The following MAGI2 variants were observed in gnomAD, a reference collection of about 807,000 sequenced individuals.
MAGI2 encodes membrane-associated guanylate kinase, WW and PDZ domain-containing protein 2.
In MAGI2, 35 loss-of-function variants were observed where a neutral mutation model predicts 133.3. The observed-to-expected ratio is 0.26, with a 90% CI of 0.20 to 0.35. The LOEUF (loss-of-function observed/expected upper bound fraction) is 0.35, where lower values mean the gene tolerates loss of function less well. Ranked by LOEUF, MAGI2 falls within the 10% of genes least tolerant of loss-of-function variation. MAGI2 has a pLI of 1.00. For missense variants in MAGI2, 1,636 were observed against 1,863.4 expected (o/e 0.88, Z 2.25); for synonymous variants, 729 against 710.6 (o/e 1.03, Z -0.41).
intron 2 of MAGI2, among the ~76,000 whole-genome samples, chr7:78,958,434 C>T (rs1471927739): frequency 6.6e-6 from 1 of 152,076 alleles, no homozygotes; most frequent in Non-Finnish European, 1.5e-5. Flanking sequence ...AGAACAGGGA[C>T]CCTCAACATC....
intron 6 of MAGI2, among the ~76,000 whole-genome samples, chr7:78,428,934 T>C (rs1297604538): frequency 6.6e-6 from 1 of 152,184 alleles, no homozygotes; most frequent in Non-Finnish European, 1.5e-5. Context: ...AGCATGCTCC[T>C]GTATACACAT....
chr7:79,155,499 A>C (rs532723930), intron 1 of MAGI2, among the ~76,000 whole-genome samples: 1 of 152,256 alleles, frequency 6.6e-6, no homozygotes, highest in African/African-American at 2.4e-5. Context: ...AAAGATGGGA[A>C]CACCATGGTT....
intron 3 of MAGI2, among the ~76,000 whole-genome samples, chr7:78,530,237 AATG>A (rs1797348637): frequency 6.6e-6 from 1 of 151,066 alleles, no homozygotes; most frequent in Non-Finnish European, 1.5e-5. Flanking sequence ...ACAATGTGTC[AATG>A]ATATTTCTCT....
intron 1 of MAGI2, among the ~76,000 whole-genome samples, chr7:79,185,928 C>T (rs1827045315): frequency 6.6e-6 from 1 of 151,612 alleles, no homozygotes; most frequent in Non-Finnish European, 1.5e-5. Flanking sequence ...GCAACTTGTA[C>T]AGACATCAGC....
At chr7:79,200,727 G>A (rs1276463694) in intron 1 of MAGI2, among the ~76,000 whole-genome samples, 2 of 151,902 alleles carry the variant, frequency 1.3e-5, no homozygotes, top group Non-Finnish European at 2.9e-5. Flanking sequence ...GACATCAGGA[G>A]TTAAAAAGCC....
chr7:78,354,696 A>T (rs988739588), intron 7 of MAGI2, among the ~76,000 whole-genome samples: 1 of 152,210 alleles, frequency 6.6e-6, no homozygotes, highest in Non-Finnish European at 1.5e-5. Context: ...ATAGAGCAGG[A>T]GGAAATCAAA....
chr7:78,157,935 G>A (rs1277173454), intron 16 of MAGI2, among the ~76,000 whole-genome samples: 1 of 152,140 alleles, frequency 6.6e-6, no homozygotes, highest in South Asian at 2.1e-4. Flanking sequence ...GCACATATTC[G>A]CTGAGGTTTA....
chr7:78,256,344 T>C lies in MAGI2; in HGVS notation c.1646A>G (p.Glu549Gly), dbSNP rs1435158322. The change falls in exon 10 of 22, where the codon GAG (glutamate) becomes GGG (glycine). Residue 549 changes from glutamate (E) to glycine (G), a missense_variant. Glu to Gly is a moderately conservative substitution (Grantham distance 98, BLOSUM62 -2). This residue lies in a region of MAGI2 where 920 missense variants were observed against 1,093.5 expected (regional missense o/e 0.84). Coordinates refer to ENST00000354212, the MANE Select transcript of MAGI2 (RefSeq NM_012301.4). ...NGRHNYETYL[E>G]YISRTSQSVP... The stretch of plus-strand genomic sequence containing the variant: ...TGACTGTGAGGTCCGAGAAATGTAC[T>C]CCAAATATGTTTCATAGTTGTGTCT... The C allele has an allele frequency of 6.2e-7, 1 of 1,614,060 alleles. No individual in the cohort carries two copies. The highest frequency in any genetic ancestry group is 8.5e-7 in the Non-Finnish European group (1 of 1,179,998).
intron 2 of MAGI2, among the ~76,000 whole-genome samples, chr7:78,751,863 G>C (rs952786562): frequency 1.3e-5 from 2 of 152,218 alleles, no homozygotes; most frequent in Non-Finnish European, 2.9e-5. Context: ...GCACCATGCA[G>C]AATGGCTTGA....
chr7:78,328,529 A>ACACACACACACACACACACC (rs1408831333), intron 9 of MAGI2, among the ~76,000 whole-genome samples: 18 of 99,776 alleles, frequency 1.8e-4, no homozygotes, highest in African/African-American at 6.5e-4. Context: ...ACACACACAC[A>ACACACACACACACACACACC]CCCCTCTCTC....
intron 21 of MAGI2, among the ~76,000 whole-genome samples, chr7:78,057,868 G>A (rs1812754457): frequency 6.6e-6 from 1 of 151,226 alleles, no homozygotes; most frequent in Non-Finnish European, 1.5e-5. Context: ...ACTGCTGTAT[G>A]CCCAGGGGTA....
intron 6 of MAGI2, among the ~76,000 whole-genome samples, chr7:78,446,884 T>C (rs760384647): frequency 9.2e-5 from 14 of 152,032 alleles, no homozygotes; most frequent in Non-Finnish European, 1.8e-4. Context: ...ACTAAACCCA[T>C]CTAAGTTGTG....
intron 1 of MAGI2, among the ~76,000 whole-genome samples, chr7:79,232,255 T>C (rs1205726762): frequency 7.9e-5 from 12 of 151,094 alleles, no homozygotes; most frequent in Non-Finnish European, 1.8e-4. Flanking sequence ...TAAAATTCTC[T>C]TTTTTGGTTG....
chr7:78,166,089 A>C (rs1165189377), intron 15 of MAGI2, among the ~76,000 whole-genome samples: 1 of 152,248 alleles, frequency 6.6e-6, no homozygotes, highest in Non-Finnish European at 1.5e-5. Context: ...TAACTGAGTA[A>C]AGTTGGTAAG....
intron 1 of MAGI2, among the ~76,000 whole-genome samples, chr7:79,094,776 G>A (rs2129542778): frequency 6.6e-6 from 1 of 152,306 alleles, no homozygotes; most frequent in East Asian, 1.9e-4. Flanking sequence ...TATTTTGAAA[G>A]GAATCTTTTT....
At chr7:78,732,034 C>A (rs2151227351) in intron 2 of MAGI2, among the ~76,000 whole-genome samples, 1 of 150,768 alleles carries the variant, frequency 6.6e-6, no homozygotes, top group African/African-American at 2.4e-5. Flanking sequence ...TAAAAGCAAG[C>A]AATAAAACAG....
intron 2 of MAGI2, among the ~76,000 whole-genome samples, chr7:78,942,735 C>T (rs1304640373): frequency 6.6e-6 from 1 of 151,844 alleles, no homozygotes; most frequent in East Asian, 1.9e-4. Context: ...CAGGAAAGTA[C>T]TAAAATATGC....
At chr7:79,146,500 T>C (rs1822641429) in intron 1 of MAGI2, among the ~76,000 whole-genome samples, 1 of 152,182 alleles carries the variant, frequency 6.6e-6, no homozygotes, top group Admixed American at 6.5e-5. Flanking sequence ...CCCACCCAAA[T>C]CTCACCTTGA....
chr7:78,317,292 G>A (rs1289574732), intron 9 of MAGI2, among the ~76,000 whole-genome samples: 1 of 152,144 alleles, frequency 6.6e-6, no homozygotes, highest in Non-Finnish European at 1.5e-5. Flanking sequence ...TGAGCTTTCA[G>A]AAGATGTATT....
Sources: gnomAD v4.1 joint callset for allele counts (sites outside exome capture counted in the v4.1 genomes callset) on GRCh38, gnomAD v4.1.1 for gene constraint, gnomAD v4.1.1 regional missense constraint, MANE v1.5 for transcripts, NCBI Gene and HGNC (gene_info 2026-07-23, HGNC 2026-07-21) for gene names.